Variants in TMEM132C observed in about 807,000 individuals in gnomAD.
TMEM132C encodes transmembrane protein 132C.
A neutral mutation model predicts 61.4 loss-of-function variants in TMEM132C; 29 were observed. The ratio of observed to expected loss-of-function variants is 0.47; its 90% CI spans 0.35 to 0.64. TMEM132C has a LOEUF of 0.64. TMEM132C is among the 30% of genes least tolerant of loss of function. TMEM132C has a pLI of 0.00. For synonymous variants in TMEM132C, 656 were observed against 633.1 expected, an observed-to-expected ratio of 1.04 and a Z score of -0.54; for missense variants, 1,408 against 1,476.9, an observed-to-expected ratio of 0.95 and a Z score of 0.76.
chr12:128,533,944 CACAT>C (rs1411906342), intron 2 of TMEM132C, among the ~76,000 whole-genome samples: 1 of 104,556 alleles, frequency 9.6e-6, no homozygotes, highest in Non-Finnish European at 2.1e-5. Context: ...CACACATGCG[CACAT>C]ACACACACAC....
At chr12:128,432,153 G>T (rs2136039471) in intron 2 of TMEM132C, among the ~76,000 whole-genome samples, 1 of 152,286 alleles carries the variant, frequency 6.6e-6, no homozygotes, top group East Asian at 1.9e-4. Flanking sequence ...AATCACCCAA[G>T]AGTTCTGATG....
chr12:128,644,211 A>G (rs1186125316), intron 4 of TMEM132C, among the ~76,000 whole-genome samples: 2 of 152,210 alleles, frequency 1.3e-5, no homozygotes, highest in Non-Finnish European at 1.5e-5. Context: ...TTAATAGGTG[A>G]AATGTATGCT....
At position 128,619,369 on chromosome 12, in the gene TMEM132C, C is replaced by T. The variant is rs554227715; in HGVS notation, c.1305+3034C>T. 3.9e-5 allele frequency among the ~76,000 whole-genome samples: 6 copies of T among 152,298 alleles called. No individual in the cohort carries two copies. The South Asian group carries it at 1.2e-3, about 32-fold the overall frequency. On this transcript the variant is annotated intron_variant, in intron 4 of 8. Transcript: ENST00000435159. ...AGGAGGATTCAGCCACAGCATTCCC[C>T]GTCACCTACTGCCTCTGACTCCCCC...
chr12:128,287,353 C>T (rs1286667732), intron 1 of TMEM132C, among the ~76,000 whole-genome samples: 3 of 152,140 alleles, frequency 2.0e-5, no homozygotes, highest in Non-Finnish European at 4.4e-5. Flanking sequence ...AGAAAAGTTG[C>T]AAAAATAGTA....
At chr12:128,650,726 C>G (rs1310554633) in intron 4 of TMEM132C, among the ~76,000 whole-genome samples, 1 of 152,052 alleles carries the variant, frequency 6.6e-6, no homozygotes, top group African/African-American at 2.4e-5. Flanking sequence ...CAGCAAGACC[C>G]TGTCTCAAAA....
chr12:128,572,011 T>C (rs4882787), intron 3 of TMEM132C, among the ~76,000 whole-genome samples: 144,209 of 152,274 alleles, frequency 0.95, 68,663 homozygotes, highest in East Asian at 1. Flanking sequence ...ATGTCTCTGC[T>C]GGCCTCTGAT....
At chr12:128,653,368 G>A (rs970680372) in intron 4 of TMEM132C, among the ~76,000 whole-genome samples, 41 of 152,178 alleles carry the variant, frequency 2.7e-4, no homozygotes, top group African/African-American at 9.9e-4. Context: ...TGGTTAGTAT[G>A]CTTTAAATGT....
At chr12:128,599,543 TA>T (rs985237935) in intron 3 of TMEM132C, among the ~76,000 whole-genome samples, 2 of 152,198 alleles carry the variant, frequency 1.3e-5, no homozygotes, top group Non-Finnish European at 1.5e-5. Context: ...ACTATTCCCT[TA>T]AAAAATCCTT....
chr12:128,616,422 A>G, intron 4 of TMEM132C, 87 bp downstream of exon 4: 1 of 1,343,322 alleles, frequency 7.4e-7, no homozygotes, highest in East Asian at 2.5e-5. Flanking sequence ...GATGTTTGCT[A>G]CAATGATTTT....
intron 2 of TMEM132C, among the ~76,000 whole-genome samples, chr12:128,459,091 C>T (rs1202064035): frequency 6.6e-6 from 1 of 152,212 alleles, no homozygotes; most frequent in Non-Finnish European, 1.5e-5. Flanking sequence ...GAAGGTCCCA[C>T]TGCAGCCTTG....
At chr12:128,419,109 A>T (rs1368470506) in intron 2 of TMEM132C, among the ~76,000 whole-genome samples, 1 of 152,228 alleles carries the variant, frequency 6.6e-6, no homozygotes, top group African/African-American at 2.4e-5. Flanking sequence ...AGTAGGCAAG[A>T]TAAAAATAAT....
intron 3 of TMEM132C, among the ~76,000 whole-genome samples, chr12:128,582,842 T>C (rs1201453164): frequency 3.3e-5 from 5 of 152,152 alleles, no homozygotes; most frequent in Admixed American, 3.3e-4. Context: ...AGCAAAAATC[T>C]TAGCTCACTG....
At chr12:128,330,060 T>C (rs1238050556) in intron 1 of TMEM132C, among the ~76,000 whole-genome samples, 1 of 152,132 alleles carries the variant, frequency 6.6e-6, no homozygotes, top group Non-Finnish European at 1.5e-5. Context: ...GTCTGCACAA[T>C]ACCAAATCCC....
intron 1 of TMEM132C, among the ~76,000 whole-genome samples, chr12:128,322,633 T>G (rs1029705385): frequency 2.0e-5 from 3 of 152,190 alleles, no homozygotes; most frequent in African/African-American, 7.2e-5. Context: ...CTTCAGAGAC[T>G]CTGGGGAGTT....
chr12:128,583,614 G>A (rs558294241), intron 3 of TMEM132C, among the ~76,000 whole-genome samples: 28 of 152,268 alleles, frequency 1.8e-4, no homozygotes, highest in Admixed American at 8.5e-4. Context: ...AGAGAGCTCC[G>A]TCAACAGCTG....
Position 128,537,835 on chromosome 12 carries a change from T to G in TMEM132C, c.975-6122T>G, listed in dbSNP as rs138892928. 9.8e-5 allele frequency among the ~76,000 whole-genome samples: 15 copies of G among 152,356 alleles called. No individual in the cohort carries two copies. The East Asian group carries it at 2.1e-3, about 22-fold the overall frequency. Reference sequence around the variant, plus strand: ...TGTACCTGGTTAATAGTAATATGCCTATATCAATTTCCTGGCTTTGACAAT... The same window carrying G: ...TGTACCTGGTTAATAGTAATATGCCGATATCAATTTCCTGGCTTTGACAAT... On this transcript the variant is annotated intron_variant, in intron 2 of 8. Coordinates refer to ENST00000435159, the MANE Select transcript of TMEM132C (RefSeq NM_001136103.3).
chr12:128,614,801 C>T (rs958722883), intron 3 of TMEM132C, among the ~76,000 whole-genome samples: 4 of 152,230 alleles, frequency 2.6e-5, no homozygotes, highest in African/African-American at 9.6e-5. Context: ...CTAGGCAATT[C>T]ACATAATCTC....
chr12:128,638,962 ATGG>A (rs1293720321), intron 4 of TMEM132C, among the ~76,000 whole-genome samples: 8 of 120,962 alleles, frequency 6.6e-5, no homozygotes, highest in South Asian at 5.5e-4. Context: ...GGTGATGGTG[ATGG>A]TGGTGATGGT....
At chr12:128,563,735 G>A (rs1273731650) in intron 3 of TMEM132C, among the ~76,000 whole-genome samples, 3 of 152,182 alleles carry the variant, frequency 2.0e-5, no homozygotes, top group Admixed American at 1.3e-4. Flanking sequence ...GGGATGACAA[G>A]TAATGTAAAA....
Sources: gnomAD v4.1 joint callset for allele counts (sites outside exome capture counted in the v4.1 genomes callset) on GRCh38, gnomAD v4.1.1 for gene constraint, MANE v1.5 for transcripts, NCBI Gene and HGNC (gene_info 2026-07-23, HGNC 2026-07-21) for gene names.